Variants in DPY19L2 observed in about 807,000 individuals in gnomAD.
DPY19L2 encodes probable C-mannosyltransferase DPY19L2.
DPY19L2 carries 34 observed loss-of-function variants against 97.9 expected under a neutral mutation model. The observed-to-expected ratio is 0.35, with a 90% CI of 0.26 to 0.46. The LOEUF (loss-of-function observed/expected upper bound fraction) is 0.46, where lower values mean the gene tolerates loss of function less well. DPY19L2 is among the 20% of genes least tolerant of loss of function. The pLI, the probability that DPY19L2 is intolerant of heterozygous loss-of-function variation, is 1.00. For missense variants in DPY19L2, 623 were observed against 911.4 expected (o/e 0.68, Z 4.07); for synonymous variants, 230 against 307.9 (o/e 0.75, Z 2.65).
chr12:63,631,956 T>A (rs888964960), intron 6 of DPY19L2, among the ~76,000 whole-genome samples: 1 of 151,856 alleles, frequency 6.6e-6, no homozygotes, highest in Admixed American at 6.6e-5. Flanking sequence ...AGAACCAACG[T>A]CAAAAACCAT....
intron 11 of DPY19L2, among the ~76,000 whole-genome samples, chr12:63,613,498 AAC>A (rs1396962471): frequency 1.1e-4 from 17 of 152,268 alleles, no homozygotes; most frequent in Middle Eastern, 3.4e-3. Flanking sequence ...TCCTATAGCT[AAC>A]ACAGTTACTT....
chr12:63,576,727 C>A (rs1395523121), intron 19 of DPY19L2, among the ~76,000 whole-genome samples: 1 of 151,480 alleles, frequency 6.6e-6, no homozygotes, highest in African/African-American at 2.4e-5. Flanking sequence ...TAGAAATTAA[C>A]CAAAGAAATG....
chr12:63,655,699 TTAAGA>T (rs1385237210), intron 4 of DPY19L2, among the ~76,000 whole-genome samples: 1 of 151,482 alleles, frequency 6.6e-6, no homozygotes. Context: ...CCCCAGCAGT[TTAAGA>T]TAAGAGAGTG....
chr12:63,634,936 G>T (rs1891393437), intron 6 of DPY19L2, among the ~76,000 whole-genome samples: 1 of 152,164 alleles, frequency 6.6e-6, no homozygotes, highest in Non-Finnish European at 1.5e-5. Flanking sequence ...GAGACTAGTG[G>T]TTCTCCCAGC....
In DPY19L2 at chr12:63,617,279, C is replaced by A. The variant is rs370339769; in HGVS notation, c.1218+25G>T. ...ATGCTATTTGGCAGGTTAAAAAAAA[C>A]CAACTTTATGAACTAAACACTTACC... On this transcript the variant is annotated intron_variant, in intron 11 of 21. Transcript: ENST00000324472. 483 of 1,538,464 alleles carry A rather than the reference C, an allele frequency of 3.1e-4. 3 individuals are homozygous for A. In the African/African-American group the frequency reaches 6.0e-3, roughly 19 times the overall value.
intron 5 of DPY19L2, among the ~76,000 whole-genome samples, chr12:63,644,965 T>C (rs1191624928): frequency 2.0e-5 from 3 of 152,070 alleles, no homozygotes; most frequent in East Asian, 1.9e-4. Flanking sequence ...TGCTAGGTTC[T>C]AGGAAGAGTT....
Position 63,663,740 on chromosome 12 carries a change from TAGA to T in DPY19L2, c.450+15_450+17del, listed in dbSNP as rs762013098. On this transcript the variant is annotated intron_variant, in intron 3 of 21. Coordinates refer to ENST00000324472, the MANE Select transcript of DPY19L2 (RefSeq NM_173812.5). ...ATTCTTAAACCACAAATTAATTCAT[TAGA>T]AGAAGAAACCTAACCATTTCAGTGC... is the stretch of plus-strand genomic sequence containing the variant. 11 of 1,585,240 alleles carry T rather than the reference TAGA, an allele frequency of 6.9e-6. No homozygotes were observed. The highest frequency in any genetic ancestry group is 4.1e-5 in the African/African-American group (3 of 73,466).
Position 63,666,537 on chromosome 12 carries a change from G to A in DPY19L2, c.338-678C>T, listed in dbSNP as rs541148898. 2.7e-5 allele frequency: 12 copies of A among 446,068 alleles called. No homozygotes were observed. The East Asian group carries it at 8.6e-4, about 32-fold the overall frequency. 27.6% of individuals were successfully genotyped at this position (446,068 alleles called of 1,614,324 possible). ...TGCAAACGCAGCCTGTGCCCGTTTG[G>A]TTGGGGAACTGCTTGTTTTCAATTC... On this transcript the variant is annotated intron_variant, in intron 1 of 21. Coordinates refer to ENST00000324472, the MANE Select transcript of DPY19L2 (RefSeq NM_173812.5).
chr12:63,631,520 T>G (rs147534909), intron 6 of DPY19L2, among the ~76,000 whole-genome samples: 4 of 152,078 alleles, frequency 2.6e-5, no homozygotes, highest in East Asian at 3.9e-4. Context: ...CCAGGAAGAA[T>G]TTGAATCTCT....
At chr12:63,584,555 A>G (rs1288014830) in intron 16 of DPY19L2, among the ~76,000 whole-genome samples, 1 of 152,160 alleles carries the variant, frequency 6.6e-6, no homozygotes, top group East Asian at 1.9e-4. Context: ...TGAAATCTCA[A>G]GTCACCCTGC....
chr12:63,647,776 T>C (rs1893619659), intron 4 of DPY19L2, among the ~76,000 whole-genome samples: 1 of 152,140 alleles, frequency 6.6e-6, no homozygotes, highest in African/African-American at 2.4e-5. Context: ...GGCACAGCAA[T>C]AGACAAATAG....
At position 63,589,044 on chromosome 12, in the gene DPY19L2, C is replaced by T. The variant is rs562562400; in HGVS notation, c.1580+5043G>A. ...CTGGTATTACAGGCGTGAGCCACCGCGCCTGGCCAAGGAAACTTTCTTAAT... is the reference window on the plus strand; with the variant it reads ...CTGGTATTACAGGCGTGAGCCACCGTGCCTGGCCAAGGAAACTTTCTTAAT... On this transcript the variant is annotated intron_variant, in intron 16 of 21. Transcript: ENST00000324472. Among the ~76,000 whole-genome samples the T allele has an allele frequency of 2.6e-5, 4 of 151,892 alleles. No individual in the cohort carries two copies. The South Asian group carries it at 6.2e-4, about 24-fold the overall frequency.
At position 63,599,686 on chromosome 12, in the gene DPY19L2, T is replaced by G. The variant is rs1884824529; in HGVS notation, c.1359+620A>C. On this transcript the variant is annotated intron_variant, in intron 13 of 21. Transcript: ENST00000324472. ...TAGAAATAAAAAGTAGATTCATGCA[T>G]TGTTTTCTATTCCCTAAACCAGTTA... 2.6e-5 allele frequency among the ~76,000 whole-genome samples: 4 copies of G among 152,246 alleles called. No homozygotes were observed. In the South Asian group the frequency reaches 8.3e-4, roughly 32 times the overall value.
upstream of DPY19L2, chr12:63,668,550 T>C: frequency 1.3e-6 from 1 of 769,570 alleles, no homozygotes; most frequent in South Asian, 1.9e-5. Flanking sequence ...AAATGTGGGG[T>C]GGGGCGCATG....
At chr12:63,650,579 C>CA (rs1030806975) in intron 4 of DPY19L2, among the ~76,000 whole-genome samples, 3 of 151,716 alleles carry the variant, frequency 2.0e-5, no homozygotes, top group Non-Finnish European at 4.4e-5. Context: ...ACAATAGCCA[C>CA]AAAAAAAGTA....
intron 14 of DPY19L2, among the ~76,000 whole-genome samples, chr12:63,597,058 C>G (rs974499785): frequency 6.6e-6 from 1 of 152,030 alleles, no homozygotes; most frequent in Non-Finnish European, 1.5e-5. Flanking sequence ...TTGCAATCTC[C>G]ACCTCCAGGG....
At chr12:63,584,038 T>G in intron 16 of DPY19L2, 1 of 513,742 alleles carries the variant, frequency 1.9e-6, no homozygotes, top group Non-Finnish European at 3.5e-6. Context: ...AGTCATCCTA[T>G]TCAAGATATG....
In DPY19L2 at chr12:63,597,853, A is replaced by C. The variant is rs568134176; in HGVS notation, c.1417T>G (p.Leu473Val). Residue 473 changes from leucine (L) to valine (V), a missense_variant, in exon 14 of 22, where the codon TTA (leucine) becomes GTA (valine). By Grantham distance (32) the Leu-to-Val change is conservative (BLOSUM62 1). Coordinates refer to ENST00000324472, the MANE Select transcript of DPY19L2 (RefSeq NM_173812.5). ...AATTCGGGAGCACAGGTATATATTA[A>C]AGTATCAAAATCTGTATACCTTAAG... is the stretch of plus-strand genomic sequence containing the variant. ...RILRYTDFDTLIYTCAPEFDF... is the reference protein window; with the variant it reads ...RILRYTDFDTVIYTCAPEFDF... 7 of 1,608,216 alleles carry C rather than the reference A, an allele frequency of 4.4e-6. No individual in the cohort carries two copies. In the African/African-American group the frequency reaches 9.4e-5, roughly 22 times the overall value.
chr12:63,628,190 A>G (rs1311301275), intron 6 of DPY19L2, among the ~76,000 whole-genome samples: 1 of 152,160 alleles, frequency 6.6e-6, no homozygotes, highest in East Asian at 1.9e-4. Context: ...TACTGTGTTT[A>G]TCTCACTGGG....
Sources: gnomAD v4.1 joint callset for allele counts (sites outside exome capture counted in the v4.1 genomes callset) on GRCh38, gnomAD v4.1.1 for gene constraint, MANE v1.5 for transcripts, NCBI Gene and HGNC (gene_info 2026-07-23, HGNC 2026-07-21) for gene names.